The following FNIP2 variants were observed in gnomAD, a reference collection of about 807,000 sequenced individuals.
FNIP2 encodes the protein folliculin-interacting protein 2.
FNIP2 carries 32 observed loss-of-function variants against 108.7 expected under a neutral mutation model. The observed-to-expected ratio is 0.29, with a 90% CI of 0.22 to 0.40. FNIP2 has a LOEUF of 0.40. Among genes scored for constraint, FNIP2 ranks in the 10% least tolerant of loss-of-function variants. The pLI is 1.00. For missense variants in FNIP2, 1,202 were observed against 1,381.6 expected, an observed-to-expected ratio of 0.87 and a Z score of 2.06; for synonymous variants, 480 against 496.7, an observed-to-expected ratio of 0.97 and a Z score of 0.45.
intron 1 of FNIP2, among the ~76,000 whole-genome samples, chr4:158,812,661 T>C (rs768278038): frequency 4.6e-5 from 7 of 152,092 alleles, no homozygotes; most frequent in Non-Finnish European, 1.5e-5. Flanking sequence ...AGAATTCCCA[T>C]GTACACCTTG....
Position 158,869,248 on chromosome 4 carries a change from C to T in FNIP2, c.2612C>T (p.Pro871Leu). 2 of 1,613,986 alleles carry T rather than the reference C, an allele frequency of 1.2e-6. No individual in the cohort carries two copies. Among genetic ancestry groups the T allele is most frequent in the Non-Finnish European group, 1.7e-6 (2 of 1,179,874 alleles). ...GPGLVAGANIPCGDDNKKANF... is the reference protein window; with the variant it reads ...GPGLVAGANILCGDDNKKANF... Reference sequence around the variant, plus strand: ...GGCCTCGTGGCTGGTGCGAATATCCCCTGTGGGGATGACAACAAGAAGGCC... The same window carrying T: ...GGCCTCGTGGCTGGTGCGAATATCCTCTGTGGGGATGACAACAAGAAGGCC... Residue 871 changes from proline to leucine, a missense_variant, in exon 13 of 17, where the codon CCC becomes CTC. By Grantham distance (98) the Pro-to-Leu change is moderately conservative (BLOSUM62 -3). Coordinates refer to ENST00000264433, the MANE Select transcript of FNIP2 (RefSeq NM_020840.3).
chr4:158,812,690 C>T (rs1352916505), intron 1 of FNIP2, among the ~76,000 whole-genome samples: 1 of 152,008 alleles, frequency 6.6e-6, no homozygotes, highest in Non-Finnish European at 1.5e-5. Context: ...GTATCAACAT[C>T]CCACACCACA....
intron 6 of FNIP2, chr4:158,834,034 C>T (rs1012950064): frequency 2.5e-6 from 1 of 406,354 alleles, no homozygotes; most frequent in Non-Finnish European, 4.0e-6. Flanking sequence ...GCGGCCAAAT[C>T]CATGGTGTTT....
In FNIP2 at chr4:158,841,953, G is replaced by A. The variant is rs746664313; in HGVS notation, c.727+6477G>A. On this transcript the variant is annotated intron_variant, in intron 7 of 16. Transcript: ENST00000264433. Reference sequence around the variant, plus strand: ...GCTTATTCTTCTTTTCACTGTCTATGTAAGTAATAAACTATCCAAATCTAA... The same window carrying A: ...GCTTATTCTTCTTTTCACTGTCTATATAAGTAATAAACTATCCAAATCTAA... Among the ~76,000 whole-genome samples the A allele has an allele frequency of 1.3e-4, 20 of 152,348 alleles. 1 individual carries two copies. In the East Asian group the frequency reaches 3.5e-3, roughly 26 times the overall value.
chr4:158,774,231 A>G (rs1271037258), intron 1 of FNIP2, among the ~76,000 whole-genome samples: 1 of 152,194 alleles, frequency 6.6e-6, no homozygotes, highest in Non-Finnish European at 1.5e-5. Context: ...AACACTCTAC[A>G]CCAACATATT....
chr4:158,857,452 A>G (rs1780048041), intron 8 of FNIP2, among the ~76,000 whole-genome samples: 1 of 152,206 alleles, frequency 6.6e-6, no homozygotes, highest in Non-Finnish European at 1.5e-5. Flanking sequence ...AGAATCCGGG[A>G]ATTTCCCAGG....
chr4:158,778,563 G>A (rs1775931712), intron 1 of FNIP2, among the ~76,000 whole-genome samples: 1 of 152,104 alleles, frequency 6.6e-6, no homozygotes, highest in Non-Finnish European at 1.5e-5. Context: ...GATATTTCCT[G>A]AGAAAGAGAT....
chr4:158,856,959 A>G (rs746156058), intron 8 of FNIP2, among the ~76,000 whole-genome samples: 4 of 152,250 alleles, frequency 2.6e-5, no homozygotes, highest in Non-Finnish European at 5.9e-5. Flanking sequence ...AGACTACAGA[A>G]TGAAACTCAG....
At chr4:158,822,100 A>G (rs1777916596) in intron 1 of FNIP2, among the ~76,000 whole-genome samples, 2 of 152,010 alleles carry the variant, frequency 1.3e-5, no homozygotes, top group African/African-American at 4.8e-5. Flanking sequence ...AAAAAAGGAA[A>G]TGTCAATGTC....
rs1778320735 is a variant in FNIP2 at position 158,829,140 on chromosome 4, G to A, written c.296G>A (p.Ser99Asn). ...AKCCQGSSSV[S>N]SSSSSSISSH... ...TGCTGCCAGGGAAGCAGCAGTGTCA[G>A]CAGCAGTAGCAGCAGCAGCATCTCT... The change falls in exon 3 of 17, where the codon AGC becomes AAC. Residue 99 changes from serine to asparagine, a missense_variant. This residue lies in a region of FNIP2 where 173 missense variants were observed against 165.9 expected (regional missense o/e 1.04). Coordinates refer to ENST00000264433, the MANE Select transcript of FNIP2 (RefSeq NM_020840.3). 6.2e-7 allele frequency: 1 copy of A among 1,612,794 alleles called. No individual in the cohort carries two copies.
chr4:158,885,063 C>T lies in FNIP2; in HGVS notation c.2950-6383C>T, dbSNP rs187631038. Among the ~76,000 whole-genome samples, 127 of 151,532 alleles carry T rather than the reference C, an allele frequency of 8.4e-4. 2 individuals are homozygous for T. The highest frequency in any genetic ancestry group is 1.5e-3 in the Non-Finnish European group (104 of 67,896). ...CCCAGCTACTCGGGAGGCTGAGGCA[C>T]GAGAATCACTTGAGCCTGGGAAGCA... On this transcript the variant is annotated intron_variant, in intron 14 of 16. Transcript: ENST00000264433.
chr4:158,891,621 A>G lies in FNIP2; in HGVS notation c.3125A>G (p.Tyr1042Cys), dbSNP rs777039139. 11 of 1,612,656 alleles carry G rather than the reference A, an allele frequency of 6.8e-6. No individual in the cohort carries two copies. In the South Asian group the frequency reaches 7.7e-5, roughly 11 times the overall value. ...TTGCTTCAGTCCATTTTACAGCTCT[A>G]TAAGCTTCACCTCCCTGCTGATTTT... ...SSLLQSILQL[Y>C]KLHLPADFCI... The change falls in exon 15 of 17, where the codon TAT becomes TGT. Residue 1042 changes from tyrosine to cysteine, a missense_variant. Physicochemically the swap from Tyr to Cys is radical, Grantham distance 194. This residue lies in a region of FNIP2 where 142 missense variants were observed against 183.8 expected (regional missense o/e 0.77). Transcript: ENST00000264433.
In FNIP2 at chr4:158,890,633, T is replaced by C. The variant is rs532443075; in HGVS notation, c.2950-813T>C. ...GGTTCTTTGTTGCAATTAGCAACTC[T>C]TGTTAACTTAAACAGGAGGGACTTT... On this transcript the variant is annotated intron_variant, in intron 14 of 16. Coordinates refer to ENST00000264433, the MANE Select transcript of FNIP2 (RefSeq NM_020840.3). Among the ~76,000 whole-genome samples the C allele has an allele frequency of 1.5e-3, 234 of 152,384 alleles. 6 individuals carry two copies. The South Asian group carries it at 0.025, about 16-fold the overall frequency.
At chr4:158,809,205 T>C (rs1017644619) in intron 1 of FNIP2, among the ~76,000 whole-genome samples, 1 of 152,206 alleles carries the variant, frequency 6.6e-6, no homozygotes, top group Non-Finnish European at 1.5e-5. Context: ...ATGCCTGTAA[T>C]CCCAGCACTT....
chr4:158,847,887 G>A (rs1013893150), intron 7 of FNIP2, among the ~76,000 whole-genome samples: 11 of 152,216 alleles, frequency 7.2e-5, no homozygotes, highest in Admixed American at 2.0e-4. Flanking sequence ...CGTGGTGGTG[G>A]TGGACATGGA....
At chr4:158,769,910 G>T (rs950801140) in intron 1 of FNIP2, among the ~76,000 whole-genome samples, 2 of 152,204 alleles carry the variant, frequency 1.3e-5, no homozygotes, top group African/African-American at 2.4e-5. Flanking sequence ...AAATTTCCGA[G>T]ATTTCAATTG....
chr4:158,871,416 T>C (rs1780942947), intron 14 of FNIP2: 19 of 985,318 alleles, frequency 1.9e-5, no homozygotes, highest in Non-Finnish European at 2.0e-5. Context: ...ATTTTTTTTT[T>C]TGAGGTGGAA....
intron 6 of FNIP2, chr4:158,834,288 T>TCTCTCTCTCTCTC (rs1553959295): frequency 1.6e-5 from 1 of 63,220 alleles, no homozygotes; most frequent in Non-Finnish European, 2.9e-5. Flanking sequence ...CATGGAAGAC[T>TCTCTCTCTCTCTC]TCTCTCTCTC....
intron 5 of FNIP2, 32 bp downstream of exon 5, chr4:158,832,170 AT>A (rs769832334): frequency 1.0e-5 from 16 of 1,552,958 alleles, no homozygotes; most frequent in South Asian, 4.5e-5. Flanking sequence ...CCCCACCCCC[AT>A]TTTTTAAAGT....
Sources: gnomAD v4.1 joint callset for allele counts (sites outside exome capture counted in the v4.1 genomes callset) on GRCh38, gnomAD v4.1.1 for gene constraint, gnomAD v4.1.1 regional missense constraint, MANE v1.5 for transcripts, NCBI Gene and HGNC (gene_info 2026-07-23, HGNC 2026-07-21) for gene names.